The following PDE10A variants were observed in gnomAD, a reference collection of about 807,000 sequenced individuals.
PDE10A encodes the protein phosphodiesterase 10A.
In PDE10A, 39 loss-of-function variants were observed where a neutral mutation model predicts 97.7. The observed-to-expected ratio is 0.40, with a 90% CI of 0.31 to 0.52. The LOEUF (loss-of-function observed/expected upper bound fraction) is 0.52, where lower values mean the gene tolerates loss of function less well. PDE10A is among the 20% of genes least tolerant of loss of function. The pLI is 0.56. For synonymous variants in PDE10A, 371 were observed against 376.8 expected, an observed-to-expected ratio of 0.98 and a Z score of 0.18; for missense variants, 731 against 1,047.8, an observed-to-expected ratio of 0.70 and a Z score of 4.17.
At chr6:165,832,226 A>G (rs1398985256) in intron 1 of PDE10A, among the ~76,000 whole-genome samples, 1 of 152,114 alleles carries the variant, frequency 6.6e-6, no homozygotes, top group Non-Finnish European at 1.5e-5. Flanking sequence ...GTCACAAGCA[A>G]CTGCAGCTTC....
chr6:165,686,443 G>A (rs1384105489), intron 1 of PDE10A, among the ~76,000 whole-genome samples: 1 of 152,136 alleles, frequency 6.6e-6, no homozygotes, highest in East Asian at 1.9e-4. Context: ...CCGCCTTCAG[G>A]TGTAACATCC....
rs1374270315 is a variant in PDE10A, at chr6:165,975,346, CTGT to C, written c.-615+12180_-615+12182del. 9.2e-5 allele frequency among the ~76,000 whole-genome samples: 14 copies of C among 152,250 alleles called. 1 individual carries two copies. In the South Asian group the frequency reaches 1.2e-3, roughly 14 times the overall value. On this transcript the variant is annotated intron_variant, in intron 1 of 19. Transcript: ENST00000366882. Reference sequence around the variant, plus strand: ...TTATTCCAGGTGCAGTGGCTCATGCCTGTAATCCCAGCATTTTGGGAGACAGAA... The same window carrying C: ...TTATTCCAGGTGCAGTGGCTCATGCCAATCCCAGCATTTTGGGAGACAGAA...
intron 1 of PDE10A, among the ~76,000 whole-genome samples, chr6:165,605,668 C>T (rs1787172919): frequency 1.3e-5 from 2 of 152,314 alleles, no homozygotes; most frequent in Middle Eastern, 6.8e-3. Flanking sequence ...CACACACAAA[C>T]TGTCATTTGT....
chr6:165,545,618 G>A (rs1469503235), intron 1 of PDE10A, among the ~76,000 whole-genome samples: 3 of 151,874 alleles, frequency 2.0e-5, no homozygotes, highest in Non-Finnish European at 2.9e-5. Context: ...TGGGCCAAAG[G>A]CCACTTCAGT....
At chr6:165,582,755 T>G (rs1785687806) in intron 1 of PDE10A, among the ~76,000 whole-genome samples, 1 of 152,164 alleles carries the variant, frequency 6.6e-6, no homozygotes, top group Admixed American at 6.5e-5. Context: ...TAGATGACTC[T>G]CTATTTACGA....
intron 1 of PDE10A, among the ~76,000 whole-genome samples, chr6:165,622,659 C>T (rs975703703): frequency 1.3e-5 from 2 of 151,750 alleles, no homozygotes; most frequent in African/African-American, 4.8e-5. Context: ...TGTAGACATG[C>T]ACACACACAC....
At chr6:165,564,020 G>A (rs1022337047) in intron 1 of PDE10A, among the ~76,000 whole-genome samples, 1 of 152,004 alleles carries the variant, frequency 6.6e-6, no homozygotes, top group African/African-American at 2.4e-5. Context: ...AGTATTCAAA[G>A]AGAATAAACT....
chr6:165,688,179 A>G (rs1791174218), intron 1 of PDE10A, among the ~76,000 whole-genome samples: 1 of 152,224 alleles, frequency 6.6e-6, no homozygotes, highest in East Asian at 1.9e-4. Context: ...TCCTCCTCCT[A>G]TAATGATACA....
intron 1 of PDE10A, among the ~76,000 whole-genome samples, chr6:165,632,976 T>C (rs149830929): frequency 1.5e-4 from 22 of 151,700 alleles, no homozygotes; most frequent in Non-Finnish European, 2.5e-4. Context: ...AGCATCACCA[T>C]CACCTGTGTA....
Position 165,693,939 on chromosome 6 carries a change from A to G in PDE10A, c.-614-150371T>C, listed in dbSNP as rs1582943624. Among the ~76,000 whole-genome samples the G allele has an allele frequency of 1.3e-5, 2 of 152,340 alleles. 1 individual carries two copies. Among genetic ancestry groups the G allele is most frequent in the South Asian group, 4.1e-4 (2 of 4,828 alleles). The stretch of plus-strand genomic sequence containing the variant: ...TTTTTTTTCCAGTTAATATGCAATG[A>G]TAGGAAATCAACTTATTTTCTTTTT... On this transcript the variant is annotated intron_variant, in intron 1 of 19. Transcript: ENST00000366882.
At chr6:165,847,692 C>A (rs1002227899) in intron 1 of PDE10A, among the ~76,000 whole-genome samples, 1 of 152,226 alleles carries the variant, frequency 6.6e-6, no homozygotes, top group Admixed American at 6.5e-5. Context: ...ACTCCCATAG[C>A]GTAAGCCAGC....
chr6:165,757,528 G>A (rs1793144400), intron 1 of PDE10A, among the ~76,000 whole-genome samples: 1 of 151,654 alleles, frequency 6.6e-6, no homozygotes, highest in African/African-American at 2.4e-5. Context: ...CCATTTAAAT[G>A]TTTTATTCAT....
intron 13 of PDE10A, among the ~76,000 whole-genome samples, chr6:165,402,240 AT>A (rs1381178049): frequency 6.6e-6 from 1 of 152,088 alleles, no homozygotes; most frequent in Non-Finnish European, 1.5e-5. Context: ...AATTTTTGAT[AT>A]TAATATATTG....
intron 1 of PDE10A, among the ~76,000 whole-genome samples, chr6:165,835,649 TC>T (rs772684731): frequency 7.9e-5 from 12 of 152,148 alleles, no homozygotes; most frequent in Non-Finnish European, 1.8e-4. Flanking sequence ...ACACCCTGTT[TC>T]CGGGGTTGGT....
intron 3 of PDE10A, among the ~76,000 whole-genome samples, chr6:165,469,625 T>C (rs1778868972): frequency 6.6e-6 from 1 of 152,162 alleles, no homozygotes; most frequent in African/African-American, 2.4e-5. Context: ...TCATGAAGAA[T>C]GAGTGGTTTT....
chr6:165,891,418 G>T (rs750078268), intron 1 of PDE10A, among the ~76,000 whole-genome samples: 1 of 152,160 alleles, frequency 6.6e-6, no homozygotes, highest in Non-Finnish European at 1.5e-5. Flanking sequence ...GTCCCCAAGT[G>T]GTTGCTGCTA....
chr6:165,656,121 A>C (rs1789944090), intron 1 of PDE10A, among the ~76,000 whole-genome samples: 1 of 151,922 alleles, frequency 6.6e-6, no homozygotes, highest in Non-Finnish European at 1.5e-5. Context: ...ATACAAGCAG[A>C]GACGATCCCT....
intron 1 of PDE10A, among the ~76,000 whole-genome samples, chr6:165,773,991 C>T (rs1778091320): frequency 6.6e-6 from 1 of 151,872 alleles, no homozygotes; most frequent in African/African-American, 2.4e-5. Flanking sequence ...GAAAGACTTC[C>T]ATCAAAACTT....
intron 1 of PDE10A, among the ~76,000 whole-genome samples, chr6:165,816,814 G>A (rs368070174): frequency 1.3e-5 from 2 of 152,292 alleles, no homozygotes; most frequent in Admixed American, 6.5e-5. Context: ...GGTTCCGGAG[G>A]GGGGAAGGGG....
Sources: allele counts gnomAD v4.1 joint callset (sites outside exome capture counted in the v4.1 genomes callset), GRCh38; gene constraint gnomAD v4.1.1; transcripts MANE v1.5; gene names NCBI Gene and HGNC (gene_info 2026-07-23, HGNC 2026-07-21).